The following ATRN variants were observed in gnomAD, a reference collection of about 807,000 sequenced individuals.
ATRN encodes the protein attractin, also known as attractin-2.
In ATRN, 54 loss-of-function variants were observed where a neutral mutation model predicts 178.7. The ratio of observed to expected loss-of-function variants is 0.30; its 90% CI spans 0.24 to 0.38. The LOEUF is 0.38. Ranked by LOEUF, ATRN falls within the 10% of genes least tolerant of loss-of-function variation. The probability of loss-of-function intolerance (pLI) is 1.00; values close to 1 mark genes in which losing one functional copy is unlikely to be tolerated. For missense variants in ATRN, 1,443 were observed against 1,815.1 expected, an observed-to-expected ratio of 0.79 and a Z score of 3.73; for synonymous variants, 636 against 663.0, an observed-to-expected ratio of 0.96 and a Z score of 0.63.
chr20:3,551,317 G>T (rs1420296210), intron 6 of ATRN, among the ~76,000 whole-genome samples: 1 of 152,188 alleles, frequency 6.6e-6, no homozygotes, highest in Non-Finnish European at 1.5e-5. Context: ...GCCCCCAGCT[G>T]CTGACTGGCT....
intron 1 of ATRN, among the ~76,000 whole-genome samples, chr20:3,503,454 G>A (rs1391894665): frequency 6.6e-6 from 1 of 152,010 alleles, no homozygotes; most frequent in Non-Finnish European, 1.5e-5. Context: ...TCATAAAAAT[G>A]CTTCAAAATC....
chr20:3,494,809 C>T (rs2084856224), intron 1 of ATRN, among the ~76,000 whole-genome samples: 1 of 152,072 alleles, frequency 6.6e-6, no homozygotes, highest in African/African-American at 2.4e-5. Flanking sequence ...GATGTAATTA[C>T]CTGTAGGAGT....
rs1283847717 is a variant in ATRN, at chr20:3,648,841, C to T, written c.*1994C>T. 1 of 152,164 alleles carries T rather than the reference C, an allele frequency of 6.6e-6. No homozygotes were observed. Among genetic ancestry groups the T allele is most frequent in the Non-Finnish European group, 1.5e-5 (1 of 68,050 alleles). 9.4% of individuals were successfully genotyped at this position (152,164 alleles called of 1,614,324 possible). A position where few individuals can be genotyped will look rare whatever the true frequency, so the allele number is the denominator to read the frequency against. On this transcript the variant is annotated 3_prime_UTR_variant, in exon 29 of 29. Coordinates refer to ENST00000262919, the MANE Select transcript of ATRN (RefSeq NM_139321.3). Reference sequence around the variant, plus strand: ...CTGGCCCCTTAATTCCCACAGGCCCCCCCAGCAAGGCCAAAGGGAGGCCCC... The same window carrying T: ...CTGGCCCCTTAATTCCCACAGGCCCTCCCAGCAAGGCCAAAGGGAGGCCCC...
chr20:3,471,026 G>C lies in ATRN; in HGVS notation c.-82G>C. 7.1e-7 allele frequency: 1 copy of C among 1,403,508 alleles called. No individual in the cohort carries two copies. Among genetic ancestry groups the C allele is most frequent in the Non-Finnish European group, 9.2e-7 (1 of 1,084,090 alleles). 86.9% of individuals were successfully genotyped at this position (1,403,508 alleles called of 1,614,324 possible). ...CACGAGCCACCGTCCGCACAGCCCC[G>C]CCCCGCACGGCCAGGCGAAGCGGAG... On this transcript the variant is annotated 5_prime_UTR_variant, in exon 1 of 29. Transcript: ENST00000262919.
chr20:3,623,179 T>C (rs562720716), intron 24 of ATRN, among the ~76,000 whole-genome samples: 365 of 152,352 alleles, frequency 2.4e-3, no homozygotes, highest in Non-Finnish European at 4.0e-3. Flanking sequence ...TATATAATTC[T>C]CCAGTCTTAT....
chr20:3,518,650 G>T (rs1335645794), intron 1 of ATRN, among the ~76,000 whole-genome samples: 1 of 151,998 alleles, frequency 6.6e-6, no homozygotes, highest in East Asian at 1.9e-4. Flanking sequence ...AGATAAAAGG[G>T]TTAATAATCT....
In ATRN at chr20:3,582,133, A is replaced by C. The variant is rs200054755; in HGVS notation, c.2545-2A>C. 1,083 of 1,612,966 alleles carry C rather than the reference A, an allele frequency of 6.7e-4. 18 individuals are homozygous for C. In the South Asian group the frequency reaches 9.9e-3, roughly 15 times the overall value. On this transcript the variant is annotated splice_acceptor_variant, in intron 15 of 28. Coordinates refer to ENST00000262919, the MANE Select transcript of ATRN (RefSeq NM_139321.3). LOFTEE classifies it high-confidence loss of function. ...TCATAGTTGTGTCTCTTTTGCCTTT[A>C]GTCCAAGCTCACCTTAACCCCATGG...
At chr20:3,591,590 T>C (rs947876389) in intron 19 of ATRN, among the ~76,000 whole-genome samples, 1 of 152,114 alleles carries the variant, frequency 6.6e-6, no homozygotes, top group East Asian at 1.9e-4. Flanking sequence ...TTCCCCTGTT[T>C]CCTTTCCTCC....
At chr20:3,494,235 G>T (rs1391990115) in intron 1 of ATRN, among the ~76,000 whole-genome samples, 2 of 152,200 alleles carry the variant, frequency 1.3e-5, no homozygotes, top group Non-Finnish European at 2.9e-5. Flanking sequence ...AGTTGAGGAA[G>T]AAATACATAG....
intron 15 of ATRN, 85 bp downstream of exon 15, chr20:3,578,857 T>G: frequency 7.7e-7 from 1 of 1,298,344 alleles, no homozygotes; most frequent in Non-Finnish European, 1.1e-6. Context: ...TGGAAGGCTG[T>G]GGATATGTGT....
At chr20:3,617,875 T>C (rs1777280022) in intron 24 of ATRN, among the ~76,000 whole-genome samples, 1 of 152,064 alleles carries the variant, frequency 6.6e-6, no homozygotes, top group African/African-American at 2.4e-5. Flanking sequence ...CAGTGGACAG[T>C]CTCTAGAACA....
intron 9 of ATRN, 59 bp downstream of exon 9, chr20:3,562,518 G>A (rs986623804): frequency 1.3e-6 from 2 of 1,548,420 alleles, no homozygotes; most frequent in African/African-American, 1.4e-5. Flanking sequence ...GGCAATTGTG[G>A]AGAAAATATT....
At chr20:3,560,541 A>AT in intron 7 of ATRN, 121 bp from the exon 8 acceptor site, 1 of 839,642 alleles carries the variant, frequency 1.2e-6, no homozygotes, top group Non-Finnish European at 1.8e-6. Context: ...GGGTAGTTCT[A>AT]TTTTTAGTTT....
chr20:3,558,751 G>A (rs1568728764), intron 6 of ATRN, among the ~76,000 whole-genome samples: 1 of 151,898 alleles, frequency 6.6e-6, no homozygotes, highest in African/African-American at 2.4e-5. Flanking sequence ...TATAAAAACA[G>A]TAGAGTTTTT....
At chr20:3,509,583 C>T (rs940185491) in intron 1 of ATRN, among the ~76,000 whole-genome samples, 9 of 150,510 alleles carry the variant, frequency 6.0e-5, no homozygotes, top group African/African-American at 2.2e-4. Flanking sequence ...CTGCAACCTC[C>T]AGCCCCTAGG....
intron 27 of ATRN, among the ~76,000 whole-genome samples, chr20:3,642,829 A>G (rs1163100559): frequency 6.6e-6 from 1 of 152,202 alleles, no homozygotes; most frequent in Admixed American, 6.5e-5. Context: ...TGCAGATGTA[A>G]TGAAACAAGG....
intron 1 of ATRN, among the ~76,000 whole-genome samples, chr20:3,480,969 G>T (rs1360165297): frequency 6.6e-6 from 1 of 152,080 alleles, no homozygotes; most frequent in African/African-American, 2.4e-5. Context: ...TGAAATACTT[G>T]TGTCTGGAAA....
intron 1 of ATRN, among the ~76,000 whole-genome samples, chr20:3,505,605 C>T (rs237404): frequency 0.12 from 17,896 of 152,072 alleles, 1,676 homozygotes; most frequent in African/African-American, 0.26. Flanking sequence ...AACAAAAGAC[C>T]GAGGACTTAA....
chr20:3,517,535 C>G (rs1383833475), intron 1 of ATRN, among the ~76,000 whole-genome samples: 1 of 150,024 alleles, frequency 6.7e-6, no homozygotes, highest in Non-Finnish European at 1.5e-5. Context: ...TTTTGGGAGG[C>G]CAAGGAGGGT....
Sources: allele counts gnomAD v4.1 joint callset (sites outside exome capture counted in the v4.1 genomes callset), GRCh38; gene constraint gnomAD v4.1.1; transcripts MANE v1.5; gene names NCBI Gene and HGNC (gene_info 2026-07-23, HGNC 2026-07-21).